Variants in PTPRN2 observed in about 807,000 individuals in gnomAD.
PTPRN2 encodes receptor-type tyrosine-protein phosphatase N2.
In PTPRN2, 74 loss-of-function variants were observed where a neutral mutation model predicts 118.8. The ratio of observed to expected loss-of-function variants is 0.62; its 90% CI spans 0.52 to 0.76. The LOEUF is 0.76. Among genes scored for constraint, PTPRN2 ranks in the 30% least tolerant of loss-of-function variants. The probability of loss-of-function intolerance (pLI) is 0.00; values close to 1 mark genes in which losing one functional copy is unlikely to be tolerated. For missense variants in PTPRN2, 1,481 were observed against 1,394.4 expected (o/e 1.06, Z -0.99); for synonymous variants, 641 against 608.0 (o/e 1.05, Z -0.80).
chr7:158,489,154 C>T (rs948565198), intron 2 of PTPRN2, among the ~76,000 whole-genome samples: 3 of 152,208 alleles, frequency 2.0e-5, no homozygotes, highest in African/African-American at 7.2e-5. Context: ...GCTTAAAGGA[C>T]GAAAAACCTG....
At position 157,881,210 on chromosome 7, in the gene PTPRN2, G is replaced by A. The variant is rs115301254; in HGVS notation, c.1788+17463C>T. Among the ~76,000 whole-genome samples the A allele has an allele frequency of 4.1e-3, 570 of 137,860 alleles. 3 individuals carry two copies. The highest frequency in any genetic ancestry group is 0.015 in the African/African-American group (449 of 30,352). 90.4% of individuals were successfully genotyped at this position (137,860 alleles called of 152,430 possible). On this transcript the variant is annotated intron_variant, in intron 12 of 22. Coordinates refer to ENST00000389418, the MANE Select transcript of PTPRN2 (RefSeq NM_002847.5). The surrounding 1 kb of genome is among the most constrained non-coding windows in gnomAD (Gnocchi z 4.7). ...AGGTCATGAGGGTATGTGGAGATGG[G>A]GGTGTTTACAGTAGTCATTATGGTA...
rs114989077 is a variant in PTPRN2, at chr7:157,942,494, G to A, written c.1724-43757C>T. On this transcript the variant is annotated intron_variant, in intron 11 of 22. Transcript: ENST00000389418. Reference sequence around the variant, plus strand: ...TCTTTACAGACACAAAATGCTGCTGGGGTAATACTCTTGGGAAGTATGCAA... The same window carrying A: ...TCTTTACAGACACAAAATGCTGCTGAGGTAATACTCTTGGGAAGTATGCAA... Among the ~76,000 whole-genome samples the A allele has an allele frequency of 8.3e-3, 1,264 of 152,208 alleles. 20 individuals are homozygous for A. Among genetic ancestry groups the A allele is most frequent in the African/African-American group, 0.029 (1,185 of 41,532 alleles).
chr7:158,514,555 T>C (rs533495330), intron 1 of PTPRN2, among the ~76,000 whole-genome samples: 1 of 152,316 alleles, frequency 6.6e-6, no homozygotes, highest in Non-Finnish European at 1.5e-5. Flanking sequence ...CCCCAGGTGA[T>C]GGCGATGCCT....
intron 12 of PTPRN2, among the ~76,000 whole-genome samples, chr7:157,856,928 C>T (rs905439002): frequency 2.6e-5 from 4 of 152,200 alleles, no homozygotes; most frequent in Non-Finnish European, 4.4e-5. Flanking sequence ...CAGACTTCCA[C>T]GGCTCATGAT....
chr7:158,358,827 T>C (rs956618998), intron 2 of PTPRN2, among the ~76,000 whole-genome samples: 3 of 152,242 alleles, frequency 2.0e-5, no homozygotes, highest in Non-Finnish European at 4.4e-5. Context: ...ACAGAGGTTC[T>C]GTTTGGAATA....
intron 11 of PTPRN2, among the ~76,000 whole-genome samples, chr7:158,071,564 G>T (rs1417863131): frequency 7.6e-4 from 19 of 24,930 alleles, no homozygotes; most frequent in African/African-American, 1.1e-3. Flanking sequence ...TGGTGGAGGT[G>T]CTCCTGGTGG....
intron 3 of PTPRN2, among the ~76,000 whole-genome samples, chr7:158,258,968 G>C (rs1464964253): frequency 6.6e-6 from 1 of 152,108 alleles, no homozygotes; most frequent in Non-Finnish European, 1.5e-5. Context: ...GATCCAGAGT[G>C]GGGTGAGGGA....
intron 2 of PTPRN2, among the ~76,000 whole-genome samples, chr7:158,440,796 GGTA>G (rs1816958006): frequency 2.2e-5 from 3 of 133,478 alleles, no homozygotes; most frequent in Admixed American, 7.2e-5. Context: ...TGATGGGGGT[GGTA>G]GTGGTGATGG....
At chr7:158,039,350 G>A (rs930617990) in intron 11 of PTPRN2, among the ~76,000 whole-genome samples, 2 of 152,142 alleles carry the variant, frequency 1.3e-5, no homozygotes, top group Admixed American at 1.3e-4. Context: ...AAGCTGAGAA[G>A]TCCTCTTGAG....
intron 1 of PTPRN2, among the ~76,000 whole-genome samples, chr7:158,545,568 C>A (rs772040045): frequency 3.9e-5 from 6 of 152,188 alleles, no homozygotes; most frequent in Non-Finnish European, 5.9e-5. Flanking sequence ...GCTGTTCACA[C>A]CCCGCTCCGT....
intron 5 of PTPRN2, among the ~76,000 whole-genome samples, chr7:158,171,436 C>T (rs1228134890): frequency 1.3e-5 from 2 of 150,542 alleles, no homozygotes; most frequent in Admixed American, 1.3e-4. Context: ...GCAACCTCCA[C>T]CTCCTGGGTT....
At chr7:157,678,888 G>A (rs934193252) in intron 13 of PTPRN2, among the ~76,000 whole-genome samples, 3 of 152,140 alleles carry the variant, frequency 2.0e-5, no homozygotes, top group Non-Finnish European at 4.4e-5. Flanking sequence ...GGAAATGGAT[G>A]CAACATTCAA....
chr7:157,914,236 A>T (rs1272882534), intron 11 of PTPRN2, among the ~76,000 whole-genome samples: 1 of 152,208 alleles, frequency 6.6e-6, no homozygotes, highest in African/African-American at 2.4e-5. Flanking sequence ...TTTGCTTTTT[A>T]AACAAACAGA....
intron 14 of PTPRN2, among the ~76,000 whole-genome samples, chr7:157,623,621 C>G (rs1445033975): frequency 6.6e-6 from 1 of 152,212 alleles, no homozygotes; most frequent in Non-Finnish European, 1.5e-5. Flanking sequence ...AAATTACACT[C>G]TAAGTTCTCT....
chr7:158,444,185 C>T (rs943785197), intron 2 of PTPRN2, among the ~76,000 whole-genome samples: 3 of 152,246 alleles, frequency 2.0e-5, no homozygotes, highest in African/African-American at 4.8e-5. Context: ...CCGGCAGCCT[C>T]GCCTGGCTCC....
At chr7:157,688,190 T>C (rs1797287738) in intron 12 of PTPRN2, among the ~76,000 whole-genome samples, 1 of 152,214 alleles carries the variant, frequency 6.6e-6, no homozygotes. Context: ...TGTTTTAAAA[T>C]GGGCTATTTG....
intron 11 of PTPRN2, among the ~76,000 whole-genome samples, chr7:157,988,831 G>A (rs536008944): frequency 1.4e-4 from 21 of 152,204 alleles, no homozygotes; most frequent in Non-Finnish European, 2.2e-4. Context: ...GGGCAGCATC[G>A]CCACACCCGT....
intron 12 of PTPRN2, among the ~76,000 whole-genome samples, chr7:157,842,276 G>A (rs1228720125): frequency 6.6e-6 from 1 of 152,066 alleles, no homozygotes; most frequent in South Asian, 2.1e-4. Context: ...GCTCCAATCA[G>A]CCGCCTCGTC....
At chr7:157,564,409 A>G (rs1043409241) in intron 21 of PTPRN2, among the ~76,000 whole-genome samples, 2 of 152,250 alleles carry the variant, frequency 1.3e-5, no homozygotes, top group Non-Finnish European at 2.9e-5. Flanking sequence ...GTGAGTCACA[A>G]GAAAAATATT....
Sources: gnomAD v4.1 joint callset for allele counts (sites outside exome capture counted in the v4.1 genomes callset) on GRCh38, gnomAD v4.1.1 for gene constraint, Gnocchi (gnomAD v3.1) non-coding constraint, MANE v1.5 for transcripts, NCBI Gene and HGNC (gene_info 2026-07-23, HGNC 2026-07-21) for gene names.